The following CAST variants were observed in gnomAD, a reference collection of about 807,000 sequenced individuals.
CAST encodes calpastatin, also known as MIR583 host.
Under a neutral mutation model 119.6 loss-of-function variants are expected in CAST, and 76 were observed. That is an observed-to-expected ratio of 0.64 (90% CI 0.53 to 0.77). CAST has a LOEUF of 0.77. Among genes scored for constraint, CAST ranks in the 30% least tolerant of loss-of-function variants. The pLI is 0.00. For synonymous variants in CAST, 319 were observed against 331.6 expected, an observed-to-expected ratio of 0.96 and a Z score of 0.41; for missense variants, 953 against 946.5, an observed-to-expected ratio of 1.01 and a Z score of -0.09.
chr5:96,255,123 G>C, the CAST span, among the ~76,000 whole-genome samples: 1 of 152,074 alleles, frequency 6.6e-6, no homozygotes, highest in Admixed American at 6.6e-5. Context: ...GGGTTGGCAG[G>C]GGGAAGAAGG....
At chr5:96,571,713 G>C (rs971350276) in intron 1 of CAST, among the ~76,000 whole-genome samples, 1 of 152,092 alleles carries the variant, frequency 6.6e-6, no homozygotes, top group Non-Finnish European at 1.5e-5. Context: ...GGGGGTTTTT[G>C]ACCAAAAATA....
At chr5:96,109,033 C>T in the CAST span, among the ~76,000 whole-genome samples, 182 of 152,354 alleles carry the variant, frequency 1.2e-3, no homozygotes, top group African/African-American at 4.2e-3. Context: ...AAGGGAACTC[C>T]CTGACCCCTT....
At chr5:96,171,200 T>G in the CAST span, among the ~76,000 whole-genome samples, 1 of 152,188 alleles carries the variant, frequency 6.6e-6, no homozygotes, top group Admixed American at 6.5e-5. Flanking sequence ...TCTTGTAGGA[T>G]GGAGAAATCG....
At chr5:96,090,263 C>T in the CAST span, among the ~76,000 whole-genome samples, 1 of 152,182 alleles carries the variant, frequency 6.6e-6, no homozygotes, top group Non-Finnish European at 1.5e-5. Flanking sequence ...ATGTCTTCCC[C>T]TTGCAGCTGA....
the CAST span, among the ~76,000 whole-genome samples, chr5:96,433,775 T>C: frequency 6.6e-6 from 1 of 152,160 alleles, no homozygotes; most frequent in African/African-American, 2.4e-5. Context: ...TTAGCATGTC[T>C]ATGTTAAAGC....
At chr5:96,088,624 A>C in the CAST span, among the ~76,000 whole-genome samples, 1 of 152,146 alleles carries the variant, frequency 6.6e-6, no homozygotes. Flanking sequence ...TCACTCTAGA[A>C]AGTTTTTATA....
At chr5:96,462,196 G>C in the CAST span, among the ~76,000 whole-genome samples, 12 of 151,954 alleles carry the variant, frequency 7.9e-5, no homozygotes, top group African/African-American at 9.7e-5. Flanking sequence ...TTACATTATT[G>C]CTTTCTTAAT....
intron 24 of CAST, chr5:96,760,804 TTCAAG>T (rs1451943880): frequency 4.6e-5 from 7 of 151,906 alleles, no homozygotes; most frequent in Admixed American, 1.3e-4. Context: ...ATGATGACAA[TTCAAG>T]TCATTTTATG....
chr5:96,111,317 G>A, the CAST span, among the ~76,000 whole-genome samples: 2 of 152,194 alleles, frequency 1.3e-5, no homozygotes, highest in Non-Finnish European at 2.9e-5. Flanking sequence ...AATTTTGGAT[G>A]CATCACCTTC....
At chr5:96,055,871 C>A in the CAST span, among the ~76,000 whole-genome samples, 2 of 151,958 alleles carry the variant, frequency 1.3e-5, no homozygotes, top group Non-Finnish European at 1.5e-5. Context: ...ATAGGTGAAG[C>A]TTTGTTGATG....
chr5:96,133,544 A>G, the CAST span, among the ~76,000 whole-genome samples: 1 of 152,212 alleles, frequency 6.6e-6, no homozygotes, highest in Non-Finnish European at 1.5e-5. Flanking sequence ...TAAGTGGTAT[A>G]ACTGAAATGT....
chr5:96,311,210 T>C, the CAST span, among the ~76,000 whole-genome samples: 3 of 152,072 alleles, frequency 2.0e-5, no homozygotes, highest in East Asian at 5.8e-4. Flanking sequence ...GAACATGTTG[T>C]TTCATTTCAT....
At chr5:96,051,928 A>G in the CAST span, among the ~76,000 whole-genome samples, 1 of 152,184 alleles carries the variant, frequency 6.6e-6, no homozygotes, top group Admixed American at 6.5e-5. Context: ...CCAGAAAACC[A>G]TTTATAATAG....
At chr5:96,544,402 C>A (rs1306134530) in intron 1 of CAST, among the ~76,000 whole-genome samples, 2 of 152,082 alleles carry the variant, frequency 1.3e-5, no homozygotes, top group Admixed American at 6.5e-5. Context: ...AACCTCGATT[C>A]CAGCCACATT....
At chr5:96,423,802 A>T in the CAST span, among the ~76,000 whole-genome samples, 1 of 152,162 alleles carries the variant, frequency 6.6e-6, no homozygotes, top group African/African-American at 2.4e-5. Context: ...GCTCTATTTG[A>T]TAGTCGATGT....
chr5:96,567,790 G>C (rs1439360805), intron 1 of CAST, among the ~76,000 whole-genome samples: 3 of 152,274 alleles, frequency 2.0e-5, no homozygotes, highest in South Asian at 4.1e-4. Flanking sequence ...CCATAAGGAG[G>C]CTTCACCTGG....
intron 3 of CAST, among the ~76,000 whole-genome samples, chr5:96,718,727 A>T (rs568556660): frequency 6.6e-6 from 1 of 152,310 alleles, no homozygotes; most frequent in East Asian, 1.9e-4. Context: ...GAAGGAGGGA[A>T]CATGCACGCA....
At chr5:96,391,319 A>G in the CAST span, 1 of 152,226 alleles carries the variant, frequency 6.6e-6, no homozygotes, top group African/African-American at 2.4e-5. Flanking sequence ...TTCATGAACC[A>G]GTTCAATGCC....
the CAST span, among the ~76,000 whole-genome samples, chr5:96,259,173 CA>C: frequency 9.2e-5 from 14 of 152,112 alleles, no homozygotes; most frequent in Non-Finnish European, 2.1e-4. Flanking sequence ...TTTTTAGATT[CA>C]GAGCATGTAT....
Sources: allele counts gnomAD v4.1 joint callset (sites outside exome capture counted in the v4.1 genomes callset), GRCh38; gene constraint gnomAD v4.1.1; transcripts MANE v1.5; gene names NCBI Gene and HGNC (gene_info 2026-07-23, HGNC 2026-07-21).